EBF1: variants seen among roughly 807,000 people sequenced by gnomAD.
EBF1 encodes transcription factor COE1.
EBF1 carries 10 observed loss-of-function variants against 68.4 expected under a neutral mutation model. The ratio of observed to expected loss-of-function variants is 0.15; its 90% confidence interval spans 0.09 to 0.25. EBF1 has a LOEUF of 0.25. Ranked by LOEUF, EBF1 falls within the 10% of genes least tolerant of loss-of-function variation. The pLI, the probability that EBF1 is intolerant of heterozygous loss-of-function variation, is 1.00. For synonymous variants in EBF1, 298 were observed against 299.8 expected, an observed-to-expected ratio of 0.99 and a Z score of 0.06; for missense variants, 509 against 794.4, an observed-to-expected ratio of 0.64 and a Z score of 4.32.
At chr5:158,773,734 A>G (rs1319311146) in intron 10 of EBF1, among the ~76,000 whole-genome samples, 1 of 152,178 alleles carries the variant, frequency 6.6e-6, no homozygotes, top group East Asian at 1.9e-4. Flanking sequence ...GGAAGCAGCT[A>G]AAGGTGCCTA....
intron 6 of EBF1, among the ~76,000 whole-genome samples, chr5:158,924,794 G>C (rs1456742837): frequency 6.8e-6 from 1 of 147,950 alleles, no homozygotes; most frequent in Admixed American, 6.8e-5. Context: ...CGCAGCTTGT[G>C]GTGAGCCGAG....
chr5:158,802,267 G>A (rs1006615044), intron 8 of EBF1, among the ~76,000 whole-genome samples: 4 of 152,038 alleles, frequency 2.6e-5, no homozygotes, highest in African/African-American at 9.7e-5. Context: ...TGTGACAATC[G>A]ATGTGACATT....
chr5:159,079,531 C>T (rs1182242135), intron 5 of EBF1, among the ~76,000 whole-genome samples: 1 of 152,010 alleles, frequency 6.6e-6, no homozygotes. Flanking sequence ...GCTTTCTCAG[C>T]CTTCATGTCC....
chr5:158,950,199 T>C (rs1382156185), intron 6 of EBF1, among the ~76,000 whole-genome samples: 1 of 152,236 alleles, frequency 6.6e-6, no homozygotes, highest in African/African-American at 2.4e-5. Flanking sequence ...CACTCCTGCC[T>C]ACTTCCCTTA....
chr5:158,707,292 C>A (rs1002254215), intron 15 of EBF1, among the ~76,000 whole-genome samples: 2 of 152,088 alleles, frequency 1.3e-5, no homozygotes, highest in South Asian at 2.1e-4. Flanking sequence ...GGTGGGTAAC[C>A]TTTTATTCTT....
chr5:159,033,501 G>A (rs1213863972), intron 6 of EBF1, among the ~76,000 whole-genome samples: 2 of 152,212 alleles, frequency 1.3e-5, no homozygotes, highest in Non-Finnish European at 2.9e-5. Flanking sequence ...ACAGGAAACT[G>A]AAGAAAGACT....
chr5:158,727,528 C>G (rs1289703171), intron 11 of EBF1, among the ~76,000 whole-genome samples: 2 of 152,122 alleles, frequency 1.3e-5, no homozygotes, highest in Non-Finnish European at 2.9e-5. Flanking sequence ...TGCCAGGATC[C>G]AGAGAGAAAG....
chr5:158,708,237 C>T (rs1366103333), intron 14 of EBF1, 64 bp from the exon 15 acceptor site: 16 of 1,496,088 alleles, frequency 1.1e-5, no homozygotes, highest in Non-Finnish European at 1.4e-5. Context: ...CAAAGAAGCT[C>T]AGATCCATCC....
chr5:158,713,412 T>C (rs540694325), intron 12 of EBF1, among the ~76,000 whole-genome samples: 1 of 152,224 alleles, frequency 6.6e-6, no homozygotes, highest in Non-Finnish European at 1.5e-5. Flanking sequence ...AGCCCATTTG[T>C]CTGACTTTGA....
intron 6 of EBF1, among the ~76,000 whole-genome samples, chr5:158,919,100 T>C (rs1252742465): frequency 1.3e-5 from 2 of 152,216 alleles, no homozygotes; most frequent in Non-Finnish European, 2.9e-5. Flanking sequence ...ACTCCATCTG[T>C]TTAGCACTTG....
chr5:158,927,199 G>A (rs189779618), intron 6 of EBF1, among the ~76,000 whole-genome samples: 3 of 152,262 alleles, frequency 2.0e-5, no homozygotes, highest in African/African-American at 7.2e-5. Flanking sequence ...TAGAAATATC[G>A]TGAGCATTGA....
chr5:158,942,070 A>G (rs562945266), intron 6 of EBF1, among the ~76,000 whole-genome samples: 1 of 152,368 alleles, frequency 6.6e-6, no homozygotes, highest in South Asian at 2.1e-4. Flanking sequence ...AAAATGAGAA[A>G]GAAAGCAGTG....
At chr5:159,023,050 C>T (rs74824080) in intron 6 of EBF1, among the ~76,000 whole-genome samples, 2,603 of 152,150 alleles carry the variant, frequency 0.017, 51 homozygotes, top group African/African-American at 0.041. Flanking sequence ...TAGCAAAGAT[C>T]TTGCGCTTGT....
chr5:159,028,815 T>C (rs1292498492), intron 6 of EBF1, among the ~76,000 whole-genome samples: 1 of 152,188 alleles, frequency 6.6e-6, no homozygotes, highest in Non-Finnish European at 1.5e-5. Flanking sequence ...AAAGAGCCAG[T>C]CATGGTTATT....
chr5:158,781,015 G>T (rs1297261301), intron 9 of EBF1, among the ~76,000 whole-genome samples: 1 of 152,078 alleles, frequency 6.6e-6, no homozygotes. Flanking sequence ...AAACTCTGTA[G>T]CATCTGCCAC....
intron 6 of EBF1, among the ~76,000 whole-genome samples, chr5:159,058,976 T>C (rs1775288327): frequency 6.6e-6 from 1 of 152,190 alleles, no homozygotes; most frequent in African/African-American, 2.4e-5. Flanking sequence ...CCCAAATCCT[T>C]GACAGACATT....
intron 6 of EBF1, among the ~76,000 whole-genome samples, chr5:159,023,053 G>A (rs894637082): frequency 3.9e-5 from 6 of 152,066 alleles, no homozygotes; most frequent in Non-Finnish European, 8.8e-5. Flanking sequence ...CAAAGATCTT[G>A]CGCTTGTTTT....
At chr5:159,001,072 G>A (rs560338244) in intron 6 of EBF1, among the ~76,000 whole-genome samples, 67 of 151,964 alleles carry the variant, frequency 4.4e-4, no homozygotes, top group South Asian at 2.9e-3. Context: ...TGACATCCAG[G>A]AACAGAATGT....
chr5:158,840,889 T>A (rs1790212457), intron 6 of EBF1, among the ~76,000 whole-genome samples: 1 of 151,670 alleles, frequency 6.6e-6, no homozygotes, highest in Non-Finnish European at 1.5e-5. Flanking sequence ...GCCGGGATGG[T>A]CTCGATCTCC....
Sources: gnomAD v4.1 joint callset for allele counts (sites outside exome capture counted in the v4.1 genomes callset) on GRCh38, gnomAD v4.1.1 for gene constraint, MANE v1.5 for transcripts, NCBI Gene and HGNC (gene_info 2026-07-23, HGNC 2026-07-21) for gene names.